The following SPTY2D1 variants were observed in gnomAD, a reference collection of about 807,000 sequenced individuals.
SPTY2D1 encodes the protein SPT2 chromatin protein domain containing 1.
In SPTY2D1, 21 loss-of-function variants were observed where a neutral mutation model predicts 64.0. The ratio of observed to expected loss-of-function variants is 0.33; its 90% CI spans 0.23 to 0.47. The LOEUF is 0.47. Ranked by LOEUF, SPTY2D1 falls within the 20% of genes least tolerant of loss-of-function variation. SPTY2D1 has a pLI of 1.00. For synonymous variants in SPTY2D1, 287 were observed against 286.8 expected, an observed-to-expected ratio of 1.00 and a Z score of -0.01; for missense variants, 724 against 837.2, an observed-to-expected ratio of 0.86 and a Z score of 1.67.
Position 18,634,321 on chromosome 11 carries a change from A to C in SPTY2D1, c.-64T>G. 1 of 1,577,590 alleles carries C rather than the reference A, an allele frequency of 6.3e-7. No homozygotes were observed. The highest frequency in any genetic ancestry group is 1.7e-5 in the Admixed American group (1 of 59,890). On this transcript the variant is annotated 5_prime_UTR_variant, in exon 1 of 6. Coordinates refer to ENST00000336349, the MANE Select transcript of SPTY2D1 (RefSeq NM_194285.3). Reference sequence around the variant, plus strand: ...AAAGGACTGACAGCGCACCTAACCGAGGCGCCCAGCTACAGCCAACTGCAC... The same window carrying C: ...AAAGGACTGACAGCGCACCTAACCGCGGCGCCCAGCTACAGCCAACTGCAC...
At chr11:18,613,963 G>C (rs1436508633) in intron 3 of SPTY2D1, among the ~76,000 whole-genome samples, 2 of 152,126 alleles carry the variant, frequency 1.3e-5, no homozygotes, top group Non-Finnish European at 2.9e-5. Flanking sequence ...TTAGTCCTCA[G>C]GAAAAAGTAG....
At chr11:18,621,323 CAGAAA>C (rs55880127) in intron 1 of SPTY2D1, among the ~76,000 whole-genome samples, 48,963 of 137,152 alleles carry the variant, frequency 0.36, 8,785 homozygotes, top group Middle Eastern at 0.43. Flanking sequence ...TCTCAAAAAA[CAGAAA>C]AGAAAAGAAA....
rs756102486 is a variant in SPTY2D1 at position 18,612,421 on chromosome 11, ATCG to A, written c.1776_1778del (p.Asp595del). ...CCATTTCAGAGTCGTATTCATCATC[ATCG>A]TCATCTTCCTCTTCATATTCTCGCT... On this transcript the variant is annotated inframe_deletion, in exon 4 of 6. Transcript: ENST00000336349. This position sits in a 1 kb window ranked among gnomAD's most constrained non-coding sequence, Gnocchi z 4.6. 25 of 1,605,036 alleles carry A rather than the reference ATCG, an allele frequency of 1.6e-5. No homozygotes were observed. Among genetic ancestry groups the A allele is most frequent in the Admixed American group, 6.7e-5 (4 of 59,652 alleles).
chr11:18,616,186 GT>G (rs1262852861), intron 2 of SPTY2D1, 88 bp from the exon 3 acceptor site: 23 of 1,208,130 alleles, frequency 1.9e-5, no homozygotes, highest in Non-Finnish European at 2.5e-5. Flanking sequence ...TCAGGTTACA[GT>G]TTGAAGACAT....
chr11:18,630,258 C>T (rs1211582550), intron 1 of SPTY2D1, among the ~76,000 whole-genome samples: 3 of 152,110 alleles, frequency 2.0e-5, no homozygotes, highest in East Asian at 1.9e-4. Context: ...AGGTGGATCA[C>T]GAGCTCAGGA....
At chr11:18,630,501 G>A (rs796564921) in intron 1 of SPTY2D1, among the ~76,000 whole-genome samples, 10 of 152,272 alleles carry the variant, frequency 6.6e-5, no homozygotes, top group African/African-American at 2.2e-4. Flanking sequence ...TCTGCAAAGA[G>A]TCTGAAAGGC....
chr11:18,626,673 T>C (rs1041172007), intron 1 of SPTY2D1, among the ~76,000 whole-genome samples: 3 of 152,210 alleles, frequency 2.0e-5, no homozygotes, highest in Non-Finnish European at 4.4e-5. Flanking sequence ...GTTTCCTCAT[T>C]AGTAAAATAC....
At chr11:18,619,885 CTTATT>C (rs1341092435) in intron 1 of SPTY2D1, among the ~76,000 whole-genome samples, 3 of 152,176 alleles carry the variant, frequency 2.0e-5, no homozygotes, top group Admixed American at 6.5e-5. Flanking sequence ...ATTAGCATTA[CTTATT>C]TTAAACAGGA....
intron 1 of SPTY2D1, among the ~76,000 whole-genome samples, chr11:18,618,147 A>T (rs1854331251): frequency 6.6e-6 from 1 of 152,214 alleles, no homozygotes; most frequent in African/African-American, 2.4e-5. Flanking sequence ...TTTGCTTAGA[A>T]CACGGAAACA....
Position 18,614,810 on chromosome 11 carries a change from A to T in SPTY2D1, c.1464T>A (p.Ser488=). The T allele has an allele frequency of 6.2e-7, 1 of 1,613,196 alleles. No homozygotes were observed. Among genetic ancestry groups the T allele is most frequent in the Non-Finnish European group, 8.5e-7 (1 of 1,179,450 alleles). ...TTATGGATCTCCCAGGGCCACTGAC[A>T]GACCGCCCCGGGGGGCCCAAGCCAC... The part of the protein sequence containing the change: ...PVSGLGPPGR[S]VSGPGRSISG... The change falls in exon 3 of 6, where the codon TCT becomes TCA. Residue 488 remains serine, a synonymous_variant. Coordinates refer to ENST00000336349, the MANE Select transcript of SPTY2D1 (RefSeq NM_194285.3).
At position 18,634,311 on chromosome 11, in the gene SPTY2D1, C is replaced by G. The variant is rs114733180; in HGVS notation, c.-54G>C. On this transcript the variant is annotated 5_prime_UTR_variant, in exon 1 of 6. Coordinates refer to ENST00000336349, the MANE Select transcript of SPTY2D1 (RefSeq NM_194285.3). ...AGGCACTCGGAAAGGACTGACAGCG[C>G]ACCTAACCGAGGCGCCCAGCTACAG... The G allele has an allele frequency of 3.1e-6, 5 of 1,600,170 alleles. No individual in the cohort carries two copies. Among genetic ancestry groups the G allele is most frequent in the East Asian group, 2.2e-5 (1 of 44,818 alleles).
chr11:18,614,627 G>A lies in SPTY2D1; in HGVS notation c.1647C>T (p.Ser549=). 1.2e-6 allele frequency: 2 copies of A among 1,614,226 alleles called. No individual in the cohort carries two copies. Among genetic ancestry groups the A allele is most frequent in the East Asian group, 2.2e-5 (1 of 44,888 alleles). Residue 549 remains serine (S), a synonymous_variant, in exon 3 of 6, where the codon AGC becomes AGT. Transcript: ENST00000336349. ...SETISSKNII[S]RSSNGQMNGM... ...CATTCATCTGTCCATTGCTGGACCG[G>A]CTAATGATATTCTTGGAAGAAATTG...
At chr11:18,632,280 C>G (rs1196368557) in intron 1 of SPTY2D1, among the ~76,000 whole-genome samples, 1 of 151,836 alleles carries the variant, frequency 6.6e-6, no homozygotes, top group African/African-American at 2.4e-5. Context: ...AATCAAACTT[C>G]TAGGCTTACT....
At chr11:18,628,714 G>A (rs746750883) in intron 1 of SPTY2D1, among the ~76,000 whole-genome samples, 8 of 152,250 alleles carry the variant, frequency 5.3e-5, no homozygotes, top group Middle Eastern at 3.4e-3. Context: ...CCAGGACCTC[G>A]TTATTAAGGT....
In SPTY2D1 at chr11:18,607,810, G is replaced by A. The variant is rs1407366117; in HGVS notation, c.*2051C>T. The stretch of plus-strand genomic sequence containing the variant: ...GCACTCAGAAGTAACAGACACACAA[G>A]GTTAAAACCTGATTCTTCCCACTAA... On this transcript the variant is annotated 3_prime_UTR_variant, in exon 6 of 6. Coordinates refer to ENST00000336349, the MANE Select transcript of SPTY2D1 (RefSeq NM_194285.3). 6.6e-6 allele frequency: 1 copy of A among 151,978 alleles called. No homozygotes were observed. The highest frequency in any genetic ancestry group is 2.4e-5 in the African/African-American group (1 of 41,358). The allele number at this position is 151,978 out of a possible 1,614,324, so 9.4% of individuals were successfully genotyped here.
rs2134108887 is a variant in SPTY2D1 at position 18,612,116 on chromosome 11, ATAAC to A, written c.1886+194_1886+197del. 1 of 414,062 alleles carries A rather than the reference ATAAC, an allele frequency of 2.4e-6. No homozygotes were observed. Among genetic ancestry groups the A allele is most frequent in the East Asian group, 3.7e-5 (1 of 26,760 alleles). The allele number at this position is 414,062 out of a possible 1,614,324, so 25.6% of individuals were successfully genotyped here. A position where few individuals can be genotyped will look rare whatever the true frequency, so the allele number is the denominator to read the frequency against. ...GGGTTATTTTTTGTTCCTCATGCAAATAACTACAGAAACTATTTTGAATTAAATA... is the reference window on the plus strand; with the variant it reads ...GGGTTATTTTTTGTTCCTCATGCAAATACAGAAACTATTTTGAATTAAATA... On this transcript the variant is annotated intron_variant, in intron 4 of 5. Transcript: ENST00000336349. The surrounding 1 kb of genome is among the most constrained non-coding windows in gnomAD (Gnocchi z 4.6).
intron 3 of SPTY2D1, among the ~76,000 whole-genome samples, chr11:18,613,055 G>A (rs1046659932): frequency 6.6e-6 from 1 of 152,260 alleles, no homozygotes; most frequent in East Asian, 1.9e-4. Flanking sequence ...GCGCCACCGC[G>A]CCCGGCCAAA....
rs2134107375 is a variant in SPTY2D1 at position 18,609,750 on chromosome 11, CCTT to C, written c.*108_*110del. Reference sequence around the variant, plus strand: ...GCAAATGACAGTATGCATTCCTTCTCCTTGAGTACCCAAGTATAAATCTAAAAT... The same window carrying C: ...GCAAATGACAGTATGCATTCCTTCTCGAGTACCCAAGTATAAATCTAAAAT... On this transcript the variant is annotated 3_prime_UTR_variant, in exon 6 of 6. Coordinates refer to ENST00000336349, the MANE Select transcript of SPTY2D1 (RefSeq NM_194285.3). 2 of 871,692 alleles carry C rather than the reference CCTT, an allele frequency of 2.3e-6. No homozygotes were observed. Among genetic ancestry groups the C allele is most frequent in the East Asian group, 4.9e-5 (2 of 40,714 alleles). The allele number at this position is 871,692 out of a possible 1,614,324, so 54.0% of individuals were successfully genotyped here. A position where few individuals can be genotyped will look rare whatever the true frequency, so the allele number is the denominator to read the frequency against.
At position 18,612,071 on chromosome 11, in the gene SPTY2D1, A is replaced by G. The variant is rs1026002223; in HGVS notation, c.1886+243T>C. ...TTCCATCTCACTAAATATATATCTT[A>G]TAAGAATAACAATTTAAAAGGGTTA... is the stretch of plus-strand genomic sequence containing the variant. On this transcript the variant is annotated intron_variant, in intron 4 of 5. Coordinates refer to ENST00000336349, the MANE Select transcript of SPTY2D1 (RefSeq NM_194285.3). The surrounding 1 kb of genome is among the most constrained non-coding windows in gnomAD (Gnocchi z 4.6). 1.3e-5 allele frequency: 4 copies of G among 318,852 alleles called. No homozygotes were observed. The highest frequency in any genetic ancestry group is 2.2e-5 in the Non-Finnish European group (4 of 178,738). 19.8% of individuals were successfully genotyped at this position (318,852 alleles called of 1,614,324 possible). A position where few individuals can be genotyped will look rare whatever the true frequency, so the allele number is the denominator to read the frequency against.
Sources: allele counts gnomAD v4.1 joint callset (sites outside exome capture counted in the v4.1 genomes callset), GRCh38; gene constraint gnomAD v4.1.1; non-coding constraint Gnocchi (gnomAD v3.1); transcripts MANE v1.5; gene names NCBI Gene and HGNC (gene_info 2026-07-23, HGNC 2026-07-21).